The following SCN11A variants were observed in gnomAD, a reference collection of about 807,000 sequenced individuals.
SCN11A encodes the protein sodium channel protein type 11 subunit alpha.
Under a neutral mutation model 162.2 loss-of-function variants are expected in SCN11A, and 122 were observed. That is an observed-to-expected ratio of 0.75 (90% CI 0.65 to 0.87). The LOEUF (loss-of-function observed/expected upper bound fraction) is 0.87, where lower values mean the gene tolerates loss of function less well. Ranked by LOEUF, SCN11A falls within the 40% of genes least tolerant of loss-of-function variation. The pLI is 0.00. For missense variants in SCN11A, 2,015 were observed against 2,181.6 expected, an observed-to-expected ratio of 0.92 and a Z score of 1.52; for synonymous variants, 758 against 751.5, an observed-to-expected ratio of 1.01 and a Z score of -0.14.
chr3:39,020,555 C>T (rs2031424749), intron 2 of SCN11A, among the ~76,000 whole-genome samples: 1 of 152,190 alleles, frequency 6.6e-6, no homozygotes, highest in African/African-American at 2.4e-5. Context: ...CAAACCCCAG[C>T]TTTCCTGTCC....
chr3:38,996,334 G>A (rs1358513697), intron 2 of SCN11A, among the ~76,000 whole-genome samples: 1 of 152,142 alleles, frequency 6.6e-6, no homozygotes, highest in Admixed American at 6.5e-5. Flanking sequence ...GGAGTGCCTA[G>A]CAGATAGGTA....
At chr3:39,016,048 C>A (rs78745159) in intron 2 of SCN11A, among the ~76,000 whole-genome samples, 1 of 152,140 alleles carries the variant, frequency 6.6e-6, no homozygotes, top group South Asian at 2.1e-4. Flanking sequence ...ATTTTTAAGG[C>A]GCTATCAGGA....
In SCN11A at chr3:38,847,340, G is replaced by C; in HGVS notation, c.4730C>G (p.Pro1577Arg). ...CNSSSENCHL[P>R]GIATSYFVSY... is the part of the protein sequence containing the mutation. ...GACAAAGTAGGATGTGGCTATGCCAGGGAGGTGGCAGTTTTCTGAGGAAGA... is the reference window on the plus strand; with the variant it reads ...GACAAAGTAGGATGTGGCTATGCCACGGAGGTGGCAGTTTTCTGAGGAAGA... The change falls in exon 30 of 30, where the codon CCT becomes CGT. Residue 1577 changes from proline (P) to arginine (R), a missense_variant. Pro to Arg is a moderately radical substitution (Grantham distance 103). Transcript: ENST00000302328. 3 of 1,614,188 alleles carry C rather than the reference G, an allele frequency of 1.9e-6. No individual in the cohort carries two copies. The highest frequency in any genetic ancestry group is 2.5e-6 in the Non-Finnish European group (3 of 1,180,008).
chr3:38,924,488 C>T (rs2066105117), intron 9 of SCN11A, among the ~76,000 whole-genome samples: 2 of 152,122 alleles, frequency 1.3e-5, no homozygotes, highest in African/African-American at 2.4e-5. Flanking sequence ...ATTCTCCCAC[C>T]TCAGCCTCCT....
At chr3:38,996,506 A>C (rs1411685595) in intron 2 of SCN11A, among the ~76,000 whole-genome samples, 1 of 152,208 alleles carries the variant, frequency 6.6e-6, no homozygotes, top group Non-Finnish European at 1.5e-5. Flanking sequence ...GACTCTAGGA[A>C]GCTGCCATAA....
intron 2 of SCN11A, among the ~76,000 whole-genome samples, chr3:39,020,453 C>T (rs1257547869): frequency 8.3e-6 from 1 of 120,272 alleles, no homozygotes; most frequent in African/African-American, 5.1e-5. Context: ...TGCTTGTCTA[C>T]CTGAAGGTGC....
At chr3:38,940,485 C>T (rs2066424715) in intron 7 of SCN11A, among the ~76,000 whole-genome samples, 1 of 152,224 alleles carries the variant, frequency 6.6e-6, no homozygotes, top group East Asian at 1.9e-4. Context: ...TATGAAAACG[C>T]AGACCAATGG....
intron 17 of SCN11A, 56 bp downstream of exon 17, chr3:38,899,838 A>C (rs2065667036): frequency 6.8e-7 from 1 of 1,463,156 alleles, no homozygotes; most frequent in African/African-American, 1.4e-5. Context: ...CTCACTCAAA[A>C]CGTTTTTTCC....
At chr3:39,042,018 C>T (rs892598743) in intron 1 of SCN11A, among the ~76,000 whole-genome samples, 1 of 152,104 alleles carries the variant, frequency 6.6e-6, no homozygotes, top group African/African-American at 2.4e-5. Flanking sequence ...CCTGTAATCC[C>T]AGCACTTTGG....
intron 2 of SCN11A, among the ~76,000 whole-genome samples, chr3:38,960,982 T>G (rs2066735522): frequency 6.6e-6 from 1 of 152,184 alleles, no homozygotes; most frequent in African/African-American, 2.4e-5. Context: ...TAGTGTTTTT[T>G]TTGTTGTTTG....
At chr3:38,904,249 G>T in intron 15 of SCN11A, 146 bp from the exon 16 acceptor site, 1 of 530,148 alleles carries the variant, frequency 1.9e-6, no homozygotes, top group South Asian at 3.6e-5. Context: ...TAGTCAGAAA[G>T]GTTTTTCCAC....
At chr3:38,948,256 C>T (rs759474284) in intron 5 of SCN11A, among the ~76,000 whole-genome samples, 1 of 152,204 alleles carries the variant, frequency 6.6e-6, no homozygotes, top group Non-Finnish European at 1.5e-5. Context: ...AGATGAGTCA[C>T]CCCACATTAA....
chr3:39,031,549 AAAAC>A (rs758522066), intron 2 of SCN11A, among the ~76,000 whole-genome samples: 67 of 152,092 alleles, frequency 4.4e-4, no homozygotes, highest in Admixed American at 2.1e-3. Context: ...AAACAAAAAA[AAAAC>A]AAACAAAGAA....
In SCN11A at chr3:39,051,917, C is replaced by A. The variant is rs2032401120; in HGVS notation, c.-460G>T. On this transcript the variant is annotated 5_prime_UTR_variant, in exon 1 of 30. Coordinates refer to ENST00000302328, the MANE Select transcript of SCN11A (RefSeq NM_001349253.2). ...TAACAGCACCGAGGAAACACAACAGCCTGTTTACCTTCAGCCCCGCCACTA... is the reference window on the plus strand; with the variant it reads ...TAACAGCACCGAGGAAACACAACAGACTGTTTACCTTCAGCCCCGCCACTA... The A allele has an allele frequency of 1.5e-6, 2 of 1,364,248 alleles. No homozygotes were observed. The highest frequency in any genetic ancestry group is 2.1e-6 in the Non-Finnish European group (2 of 967,016). 84.5% of individuals were successfully genotyped at this position (1,364,248 alleles called of 1,614,324 possible). A position where few individuals can be genotyped will look rare whatever the true frequency, so the allele number is the denominator to read the frequency against.
chr3:38,974,709 A>AAAAAAAAAAAG (rs1553647127), intron 2 of SCN11A, among the ~76,000 whole-genome samples: 280 of 130,254 alleles, frequency 2.1e-3, no homozygotes, highest in Middle Eastern at 4.7e-3. Flanking sequence ...AAAAAAAAAA[A>AAAAAAAAAAAG]AAAAGAAAAG....
At chr3:38,996,682 C>T (rs1170054679) in intron 2 of SCN11A, among the ~76,000 whole-genome samples, 1 of 152,186 alleles carries the variant, frequency 6.6e-6, no homozygotes, top group African/African-American at 2.4e-5. Context: ...TTAGCATCTG[C>T]ATCCATAATC....
chr3:38,876,508 C>T (rs2065208764), intron 23 of SCN11A, among the ~76,000 whole-genome samples: 1 of 151,920 alleles, frequency 6.6e-6, no homozygotes, highest in Non-Finnish European at 1.5e-5. Flanking sequence ...ATCAAATCAG[C>T]AAGTAAAAAA....
intron 7 of SCN11A, among the ~76,000 whole-genome samples, chr3:38,934,147 T>C (rs1232911969): frequency 6.6e-6 from 1 of 152,174 alleles, no homozygotes; most frequent in Non-Finnish European, 1.5e-5. Context: ...GAAGGAGAAA[T>C]AAAATCCTTT....
At chr3:38,928,791 G>C (rs1166920199) in intron 7 of SCN11A, among the ~76,000 whole-genome samples, 1 of 152,180 alleles carries the variant, frequency 6.6e-6, no homozygotes, top group African/African-American at 2.4e-5. Context: ...AATAACAAGT[G>C]TTGATGAAGA....
Sources: allele counts gnomAD v4.1 joint callset (sites outside exome capture counted in the v4.1 genomes callset), GRCh38; gene constraint gnomAD v4.1.1; transcripts MANE v1.5; gene names NCBI Gene and HGNC (gene_info 2026-07-23, HGNC 2026-07-21).